Variants in FCHSD2 observed in about 807,000 individuals in gnomAD.
FCHSD2 encodes the protein F-BAR and double SH3 domains protein 2.
FCHSD2 carries 38 observed loss-of-function variants against 108.1 expected under a neutral mutation model. The ratio of observed to expected loss-of-function variants is 0.35; its 90% confidence interval spans 0.27 to 0.46. FCHSD2 has a LOEUF of 0.46. Among genes scored for constraint, FCHSD2 ranks in the 20% least tolerant of loss-of-function variants. The probability of loss-of-function intolerance (pLI) is 1.00; values close to 1 mark genes in which losing one functional copy is unlikely to be tolerated. For synonymous variants in FCHSD2, 279 were observed against 314.7 expected, an observed-to-expected ratio of 0.89 and a Z score of 1.20; for missense variants, 751 against 897.8, an observed-to-expected ratio of 0.84 and a Z score of 2.09.
intron 3 of FCHSD2, among the ~76,000 whole-genome samples, chr11:73,053,145 C>A (rs893697656): frequency 2.9e-5 from 3 of 102,972 alleles, no homozygotes; most frequent in Non-Finnish European, 6.1e-5. Context: ...TGCACCCAGC[C>A]TTTTTTTTTT....
intron 8 of FCHSD2, among the ~76,000 whole-genome samples, chr11:72,944,945 G>T (rs1565335386): frequency 6.6e-6 from 1 of 152,138 alleles, no homozygotes; most frequent in Non-Finnish European, 1.5e-5. Flanking sequence ...CGGGTAGGAA[G>T]AATCAATATC....
At chr11:72,875,230 C>G (rs1854943706) in intron 12 of FCHSD2, among the ~76,000 whole-genome samples, 1 of 152,082 alleles carries the variant, frequency 6.6e-6, no homozygotes, top group Admixed American at 6.6e-5. Flanking sequence ...GTATTTGCTA[C>G]TCCATCTTTG....
At chr11:73,077,574 A>G (rs1297174608) in intron 3 of FCHSD2, 1 of 409,118 alleles carries the variant, frequency 2.4e-6, no homozygotes, top group Non-Finnish European at 4.7e-6. Flanking sequence ...ACAAATGTTT[A>G]TAGCAACTTT....
intron 5 of FCHSD2, among the ~76,000 whole-genome samples, chr11:72,992,059 A>G (rs1857426577): frequency 6.6e-6 from 1 of 152,248 alleles, no homozygotes; most frequent in South Asian, 2.1e-4. Context: ...CAACTTCAGC[A>G]AAGTCTCAGG....
At chr11:73,029,438 C>T (rs999793234) in intron 3 of FCHSD2, among the ~76,000 whole-genome samples, 9 of 152,204 alleles carry the variant, frequency 5.9e-5, no homozygotes, top group Admixed American at 1.3e-4. Flanking sequence ...TAATTTAGGT[C>T]AATTTCAGCT....
intron 12 of FCHSD2, chr11:72,869,442 A>G (rs955305393): frequency 6.6e-6 from 1 of 150,514 alleles, no homozygotes; most frequent in African/African-American, 2.4e-5. Flanking sequence ...GGGAGGGAAG[A>G]AGAGAGAGAG....
At chr11:73,118,542 G>T (rs1860658044) in intron 2 of FCHSD2, among the ~76,000 whole-genome samples, 1 of 152,178 alleles carries the variant, frequency 6.6e-6, no homozygotes, top group Admixed American at 6.5e-5. Flanking sequence ...CTTTCACTAA[G>T]AATGTTTCTG....
chr11:73,118,044 C>A (rs1860644318), intron 2 of FCHSD2, among the ~76,000 whole-genome samples: 1 of 152,190 alleles, frequency 6.6e-6, no homozygotes, highest in South Asian at 2.1e-4. Context: ...GGGCCAGGCC[C>A]AGTGGCTCAC....
Position 73,082,484 on chromosome 11 carries a change from G to C in FCHSD2, c.165+1211C>G, listed in dbSNP as rs181938995. Among the ~76,000 whole-genome samples the C allele has an allele frequency of 2.6e-5, 4 of 151,680 alleles. No homozygotes were observed. The East Asian group carries it at 7.7e-4, about 29-fold the overall frequency. On this transcript the variant is annotated intron_variant, in intron 3 of 19. Coordinates refer to ENST00000409418, the MANE Select transcript of FCHSD2 (RefSeq NM_014824.3). ...CCAATGAATTAATTAGTTCTGTCTA[G>C]CTTTCAAGGAATAGGTGATTTTCTT...
chr11:72,981,160 A>G (rs559510810), intron 8 of FCHSD2, among the ~76,000 whole-genome samples: 70 of 152,256 alleles, frequency 4.6e-4, no homozygotes, highest in African/African-American at 1.7e-3. Flanking sequence ...GTACATGAAA[A>G]CTGAAAGTAT....
intron 3 of FCHSD2, among the ~76,000 whole-genome samples, chr11:73,021,855 G>A (rs1206037756): frequency 6.6e-6 from 1 of 152,142 alleles, no homozygotes; most frequent in Non-Finnish European, 1.5e-5. Flanking sequence ...TTGGGAGGTG[G>A]AGTCATGAGG....
chr11:72,935,047 T>A (rs1856273476), intron 8 of FCHSD2, among the ~76,000 whole-genome samples: 1 of 151,954 alleles, frequency 6.6e-6, no homozygotes, highest in African/African-American at 2.4e-5. Flanking sequence ...ATCCTTAAAA[T>A]CAGTTGAGTT....
At chr11:72,997,775 C>T (rs1285588448) in intron 5 of FCHSD2, among the ~76,000 whole-genome samples, 1 of 152,184 alleles carries the variant, frequency 6.6e-6, no homozygotes, top group Non-Finnish European at 1.5e-5. Flanking sequence ...ATCTCGACTT[C>T]CTGCAATCTC....
intron 13 of FCHSD2, among the ~76,000 whole-genome samples, chr11:72,854,390 T>C (rs773535310): frequency 3.9e-5 from 6 of 152,214 alleles, no homozygotes; most frequent in South Asian, 2.1e-4. Context: ...AAAAATGTGG[T>C]ATACATACAT....
At chr11:73,096,377 C>CAAAA (rs767268719) in intron 2 of FCHSD2, among the ~76,000 whole-genome samples, 22 of 68,336 alleles carry the variant, frequency 3.2e-4, no homozygotes, top group African/African-American at 4.2e-4. Context: ...CCTGCCTCTA[C>CAAAA]AAAAAAAAAA....
intron 13 of FCHSD2, among the ~76,000 whole-genome samples, chr11:72,857,691 C>T (rs1565291237): frequency 6.6e-6 from 1 of 151,822 alleles, no homozygotes. Context: ...CTCAGATGAT[C>T]CACCTGCCTC....
intron 12 of FCHSD2, among the ~76,000 whole-genome samples, chr11:72,874,614 G>C (rs2043156): frequency 1 from 151,843 of 152,366 alleles, 75,661 homozygotes; most frequent in Middle Eastern, 1. Context: ...AAAGAGAGAA[G>C]TATTCACTAC....
rs538935248 is a variant in FCHSD2 at position 72,867,842 on chromosome 11, A to G, written c.1308+23T>C. On this transcript the variant is annotated intron_variant, in intron 13 of 19. Transcript: ENST00000409418. Reference sequence around the variant, plus strand: ...ATGCTTCAGTGAAAATCAACTTGTCATATCCAAGAAAAGAAATCGTACCGA... The same window carrying G: ...ATGCTTCAGTGAAAATCAACTTGTCGTATCCAAGAAAAGAAATCGTACCGA... 5 of 1,601,770 alleles carry G rather than the reference A, an allele frequency of 3.1e-6. No individual in the cohort carries two copies. The African/African-American group carries it at 5.3e-5, about 17-fold the overall frequency.
intron 2 of FCHSD2, among the ~76,000 whole-genome samples, chr11:73,116,634 G>A (rs1460346245): frequency 2.6e-5 from 4 of 151,852 alleles, no homozygotes; most frequent in Admixed American, 2.6e-4. Flanking sequence ...TTTAAATCCT[G>A]GGCACAAGCT....
Sources: gnomAD v4.1 joint callset for allele counts (sites outside exome capture counted in the v4.1 genomes callset) on GRCh38, gnomAD v4.1.1 for gene constraint, MANE v1.5 for transcripts, NCBI Gene and HGNC (gene_info 2026-07-23, HGNC 2026-07-21) for gene names.